Variants in USP20 observed in about 807,000 individuals in gnomAD.
The protein encoded by USP20 is ubiquitin carboxyl-terminal hydrolase 20.
A neutral mutation model predicts 124.2 loss-of-function variants in USP20; 80 were observed. The observed-to-expected ratio is 0.64, with a 90% CI of 0.54 to 0.78. USP20 has a LOEUF of 0.78. USP20 is among the 30% of genes least tolerant of loss of function. The probability of loss-of-function intolerance (pLI) is 0.00; values close to 1 mark genes in which losing one functional copy is unlikely to be tolerated. For missense variants in USP20, 1,043 were observed against 1,244.4 expected, an observed-to-expected ratio of 0.84 and a Z score of 2.44; for synonymous variants, 481 against 512.3, an observed-to-expected ratio of 0.94 and a Z score of 0.83.
intron 1 of USP20, among the ~76,000 whole-genome samples, chr9:129,837,948 T>G (rs148369043): frequency 6.6e-6 from 1 of 152,178 alleles, no homozygotes; most frequent in Non-Finnish European, 1.5e-5. Context: ...GCCAGGCTGT[T>G]CTTAGCCTTT....
At chr9:129,863,359 C>G (rs909044588) in intron 9 of USP20, 60 bp downstream of exon 9, 12 of 1,351,702 alleles carry the variant, frequency 8.9e-6, no homozygotes, top group Non-Finnish European at 1.0e-5. Context: ...CCTGTCAGCA[C>G]CCATGATTGA....
chr9:129,836,250 C>G (rs1482538213), intron 1 of USP20, among the ~76,000 whole-genome samples: 2 of 152,236 alleles, frequency 1.3e-5, no homozygotes, highest in African/African-American at 4.8e-5. Context: ...TTTTCCTTTT[C>G]TCAGTGTCAT....
intron 1 of USP20, among the ~76,000 whole-genome samples, chr9:129,837,799 T>G (rs909321052): frequency 1.3e-5 from 2 of 152,184 alleles, no homozygotes; most frequent in Non-Finnish European, 2.9e-5. Flanking sequence ...GTGGATTGAA[T>G]GATAGGCCTT....
Position 129,879,992 on chromosome 9 carries a change from A to G in USP20, c.2585-121A>G. ...TGATTTCCATCTGACAGCTTTGCATAGAAGCCCTGGTTGCCGTCTTCCCGC... is the reference window on the plus strand; with the variant it reads ...TGATTTCCATCTGACAGCTTTGCATGGAAGCCCTGGTTGCCGTCTTCCCGC... On this transcript the variant is annotated intron_variant, in intron 24 of 25. Transcript: ENST00000372429. This position sits in a 1 kb window ranked among gnomAD's most constrained non-coding sequence, Gnocchi z 4.2. 8.2e-7 allele frequency: 1 copy of G among 1,218,192 alleles called. No individual in the cohort carries two copies. The highest frequency in any genetic ancestry group is 2.3e-4 in the Middle Eastern group (1 of 4,274). 75.5% of individuals were successfully genotyped at this position (1,218,192 alleles called of 1,614,324 possible).
intron 4 of USP20, among the ~76,000 whole-genome samples, chr9:129,857,777 C>T (rs2033290714): frequency 1.3e-5 from 2 of 152,200 alleles, no homozygotes; most frequent in East Asian, 3.8e-4. Context: ...GCTGGGACCC[C>T]GCCTGGGCTT....
intron 1 of USP20, among the ~76,000 whole-genome samples, chr9:129,836,025 C>A (rs939281372): frequency 6.6e-6 from 1 of 152,144 alleles, no homozygotes; most frequent in African/African-American, 2.4e-5. Context: ...CCGGGGGACT[C>A]CTCCTCGGTG....
intron 1 of USP20, among the ~76,000 whole-genome samples, chr9:129,847,459 C>T (rs1004841358): frequency 6.6e-6 from 1 of 151,964 alleles, no homozygotes; most frequent in Non-Finnish European, 1.5e-5. Flanking sequence ...CTTCCCACCA[C>T]ACTCAGCTAA....
In USP20 at chr9:129,870,303, C is replaced by T. The variant is rs2131087879; in HGVS notation, c.1566-150C>T. The T allele has an allele frequency of 3.2e-5, 23 of 726,988 alleles. No homozygotes were observed. The South Asian group carries it at 3.9e-4, about 12-fold the overall frequency. The allele number at this position is 726,988 out of a possible 1,614,324, so 45.0% of individuals were successfully genotyped here. A position where few individuals can be genotyped will look rare whatever the true frequency, so the allele number is the denominator to read the frequency against. On this transcript the variant is annotated intron_variant, in intron 14 of 25. Coordinates refer to ENST00000372429, the MANE Select transcript of USP20 (RefSeq NM_001110303.4). ...GGACACGGACGTGTCTGGCTCCAGG[C>T]CTCTGCCCCGACCCGCCGTGCCCGG...
chr9:129,840,161 G>A (rs1224219812), intron 1 of USP20, among the ~76,000 whole-genome samples: 2 of 152,250 alleles, frequency 1.3e-5, no homozygotes, highest in South Asian at 2.1e-4. Flanking sequence ...GCACCTGGAA[G>A]CACGTTCTTT....
chr9:129,857,624 T>G (rs935940898), intron 4 of USP20, among the ~76,000 whole-genome samples: 1 of 152,192 alleles, frequency 6.6e-6, no homozygotes, highest in Non-Finnish European at 1.5e-5. Context: ...TTCAAACACC[T>G]GGTCCCCATT....
chr9:129,835,500 G>T lies in USP20; in HGVS notation c.-129+1G>T. The T allele has an allele frequency of 2.9e-6, 1 of 350,058 alleles. No individual in the cohort carries two copies. Among genetic ancestry groups the T allele is most frequent in the Non-Finnish European group, 5.2e-6 (1 of 194,170 alleles). 21.7% of individuals were successfully genotyped at this position (350,058 alleles called of 1,614,324 possible). A position where few individuals can be genotyped will look rare whatever the true frequency, so the allele number is the denominator to read the frequency against. ...GGCGGCGGCGCAGTTGCGAGTGCAG[G>T]TGAGTTCCGGGCCGCCACCGGCTGC... On this transcript the variant is annotated splice_donor_variant, in intron 1 of 25. Coordinates refer to ENST00000372429, the MANE Select transcript of USP20 (RefSeq NM_001110303.4). LOFTEE classifies it low-confidence loss of function (5UTR_SPLICE).
At chr9:129,858,207 G>A (rs553596462) in intron 5 of USP20, 95 bp downstream of exon 5, 254 of 1,353,940 alleles carry the variant, frequency 1.9e-4, no homozygotes, top group Non-Finnish European at 2.4e-4. Flanking sequence ...AAATGGCTGG[G>A]GCAATAAATG....
rs2032100878 is a variant in USP20 at position 129,839,964 on chromosome 9, G to A, written c.-129+4465G>A. Among the ~76,000 whole-genome samples the A allele has an allele frequency of 6.6e-6, 1 of 152,124 alleles. No homozygotes were observed. Among genetic ancestry groups the A allele is most frequent in the Non-Finnish European group, 1.5e-5 (1 of 68,026 alleles). On this transcript the variant is annotated intron_variant, in intron 1 of 25. Transcript: ENST00000372429. This position sits in a 1 kb window ranked among gnomAD's most constrained non-coding sequence, Gnocchi z 4.5. Reference sequence around the variant, plus strand: ...CCCAGGGAAGGAAAGCTGCCTTTATGAGCCTGAAGCATCTTGGAGGTCTCC... The same window carrying A: ...CCCAGGGAAGGAAAGCTGCCTTTATAAGCCTGAAGCATCTTGGAGGTCTCC...
chr9:129,871,520 G>A (rs929784313), intron 15 of USP20, among the ~76,000 whole-genome samples: 18 of 152,100 alleles, frequency 1.2e-4, no homozygotes, highest in Admixed American at 6.6e-5. Context: ...ATCCCTTTGG[G>A]TCTATGCCTA....
chr9:129,866,573 C>T (rs539377867), intron 10 of USP20, among the ~76,000 whole-genome samples: 20 of 152,320 alleles, frequency 1.3e-4, no homozygotes, highest in African/African-American at 3.4e-4. Context: ...GGCGCCCTGC[C>T]GGCTTTCAGC....
chr9:129,875,500 G>A (rs1416151950), intron 20 of USP20, 21 bp downstream of exon 20: 2 of 1,612,302 alleles, frequency 1.2e-6, no homozygotes, highest in African/African-American at 2.7e-5. Context: ...CCCTGTGGTG[G>A]GAGAGCAGGG....
intron 4 of USP20, 137 bp downstream of exon 4, chr9:129,856,497 G>C: frequency 1.1e-6 from 1 of 919,232 alleles, no homozygotes; most frequent in Non-Finnish European, 1.7e-6. Flanking sequence ...CCTTGGGCTG[G>C]GGCACAGGGG....
chr9:129,876,363 G>A, intron 22 of USP20, 125 bp downstream of exon 22: 4 of 756,870 alleles, frequency 5.3e-6, no homozygotes, highest in East Asian at 2.8e-5. Flanking sequence ...TTGAGGCTGG[G>A]CATGGTGGCT....
intron 1 of USP20, among the ~76,000 whole-genome samples, chr9:129,847,690 C>T (rs908405453): frequency 1.3e-5 from 2 of 152,072 alleles, no homozygotes; most frequent in African/African-American, 2.4e-5. Flanking sequence ...ACAGTGCACA[C>T]GATTTGACAG....
Sources: allele counts gnomAD v4.1 joint callset (sites outside exome capture counted in the v4.1 genomes callset), GRCh38; gene constraint gnomAD v4.1.1; non-coding constraint Gnocchi (gnomAD v3.1); transcripts MANE v1.5; gene names NCBI Gene and HGNC (gene_info 2026-07-23, HGNC 2026-07-21).